MOB4: variants seen among roughly 807,000 people sequenced by gnomAD.
The protein encoded by MOB4 is MOB-like protein phocein.
A neutral mutation model predicts 32.2 loss-of-function variants in MOB4; 4 were observed. The observed-to-expected ratio is 0.12, with a 90% CI of 0.06 to 0.28. MOB4 has a LOEUF of 0.28. Ranked by LOEUF, MOB4 falls within the 10% of genes least tolerant of loss-of-function variation. The pLI is 1.00. For missense variants in MOB4, 158 were observed against 271.2 expected (o/e 0.58, Z 2.93); for synonymous variants, 88 against 88.1 (o/e 1.00, Z 0.01).
In MOB4 at chr2:197,551,359, C is replaced by A. The variant is rs1276748960; in HGVS notation, c.*713C>A. ...GAAACCTGCCCTGTCCACCCCTTCT[C>A]ATTTCCCTTAACCTTATCTTCAAAC... is the stretch of plus-strand genomic sequence containing the variant. On this transcript the variant is annotated 3_prime_UTR_variant, in exon 8 of 8. Coordinates refer to ENST00000323303, the MANE Select transcript of MOB4 (RefSeq NM_015387.5). 1 of 152,772 alleles carries A rather than the reference C, an allele frequency of 6.5e-6. No homozygotes were observed. Among genetic ancestry groups the A allele is most frequent in the African/African-American group, 2.4e-5 (1 of 41,446 alleles). The allele number at this position is 152,772 out of a possible 1,614,324, so 9.5% of individuals were successfully genotyped here.
At chr2:197,544,551 A>G (rs1434571019) in intron 5 of MOB4, among the ~76,000 whole-genome samples, 3 of 152,154 alleles carry the variant, frequency 2.0e-5, no homozygotes, top group Admixed American at 6.6e-5. Flanking sequence ...CAGGAGATCA[A>G]GACCATCCTG....
At chr2:197,540,031 A>G in intron 3 of MOB4, 80 bp from the exon 4 acceptor site, 1 of 1,468,414 alleles carries the variant, frequency 6.8e-7, no homozygotes, top group Non-Finnish European at 9.2e-7. Flanking sequence ...TACTGATGGG[A>G]TTCTCTTTTT....
chr2:197,518,492 C>T (rs1041702544), intron 1 of MOB4, among the ~76,000 whole-genome samples: 1 of 150,596 alleles, frequency 6.6e-6, no homozygotes, highest in Non-Finnish European at 1.5e-5. Flanking sequence ...GAACTCCTGA[C>T]CTCAGGTGAT....
intron 1 of MOB4, among the ~76,000 whole-genome samples, chr2:197,519,925 A>G (rs1465051745): frequency 6.6e-6 from 1 of 152,186 alleles, no homozygotes; most frequent in African/African-American, 2.4e-5. Context: ...CATTTCTAGA[A>G]GATTGTTTTA....
chr2:197,545,139 GA>G (rs1252560071), intron 5 of MOB4, among the ~76,000 whole-genome samples: 2 of 152,088 alleles, frequency 1.3e-5, no homozygotes, highest in Non-Finnish European at 2.9e-5. Flanking sequence ...CCAAAAAATG[GA>G]AACAACCAAA....
At chr2:197,533,840 G>A in intron 2 of MOB4, 1 of 616,914 alleles carries the variant, frequency 1.6e-6, no homozygotes. Context: ...TTAGAATCAA[G>A]TGATTCCTGG....
At position 197,526,284 on chromosome 2, in the gene MOB4, A is replaced by T. The variant is rs1367024733; in HGVS notation, c.123+2598A>T. Among the ~76,000 whole-genome samples the T allele has an allele frequency of 2.0e-5, 3 of 152,026 alleles. No homozygotes were observed. In the East Asian group the frequency reaches 5.8e-4, roughly 29 times the overall value. On this transcript the variant is annotated intron_variant, in intron 2 of 7. Coordinates refer to ENST00000323303, the MANE Select transcript of MOB4 (RefSeq NM_015387.5). ...TTTGTCAAATGCTTTTTCTGCACCTATTGAGATGATCATGTGTTTCTTTTT... is the reference window on the plus strand; with the variant it reads ...TTTGTCAAATGCTTTTTCTGCACCTTTTGAGATGATCATGTGTTTCTTTTT...
chr2:197,515,688 G>A (rs559788229), upstream of MOB4: 7 of 210,644 alleles, frequency 3.3e-5, no homozygotes, highest in South Asian at 4.8e-4. Context: ...CTTGCAGGTG[G>A]GTTTACTGAA....
Position 197,540,046 on chromosome 2 carries a change from C to G in MOB4, c.225-65C>G, listed in dbSNP as rs984016453. On this transcript the variant is annotated intron_variant, in intron 3 of 7. Coordinates refer to ENST00000323303, the MANE Select transcript of MOB4 (RefSeq NM_015387.5). ...TACTGATGGGATTCTCTTTTTGCAG[C>G]TAATATTCTAAAAATTGCTGTGAAG... 4.6e-6 allele frequency: 7 copies of G among 1,519,616 alleles called. No individual in the cohort carries two copies. The African/African-American group carries it at 9.7e-5, about 21-fold the overall frequency. The allele number at this position is 1,519,616 out of a possible 1,614,324, so 94.1% of individuals were successfully genotyped here. A position where few individuals can be genotyped will look rare whatever the true frequency, so the allele number is the denominator to read the frequency against.
At position 197,553,320 on chromosome 2, in the gene MOB4, AGGAGAATCGCTTGAACCC is replaced by A. The variant is rs1361525109; in HGVS notation, c.*2677_*2694del. ...GTGGTGCTACTCGTGAGGCTGAGGC[AGGAGAATCGCTTGAACCC>A]GGGAGGTGGAGGTTGCGGTGAGCTG... On this transcript the variant is annotated 3_prime_UTR_variant, in exon 8 of 8. Transcript: ENST00000323303. 1 of 152,388 alleles carries A rather than the reference AGGAGAATCGCTTGAACCC, an allele frequency of 6.6e-6. No homozygotes were observed. The highest frequency in any genetic ancestry group is 2.4e-5 in the African/African-American group (1 of 41,440). 9.4% of individuals were successfully genotyped at this position (152,388 alleles called of 1,614,324 possible).
In MOB4 at chr2:197,521,456, A is replaced by G. The variant is rs1030673728; in HGVS notation, c.61-2168A>G. 9.2e-5 allele frequency among the ~76,000 whole-genome samples: 14 copies of G among 152,320 alleles called. No individual in the cohort carries two copies. The South Asian group carries it at 2.1e-3, about 23-fold the overall frequency. On this transcript the variant is annotated intron_variant, in intron 1 of 7. Transcript: ENST00000323303. ...TAAAATTGCTAATGAAGTTTCGGGCACCATTGTCATTGATAACATCTTATC... is the reference window on the plus strand; with the variant it reads ...TAAAATTGCTAATGAAGTTTCGGGCGCCATTGTCATTGATAACATCTTATC...
intron 1 of MOB4, among the ~76,000 whole-genome samples, chr2:197,518,934 A>C (rs2086466171): frequency 1.3e-5 from 2 of 150,010 alleles, no homozygotes; most frequent in Non-Finnish European, 3.0e-5. Flanking sequence ...TTTTTTTTGT[A>C]TTTTTAGTAG....
At chr2:197,539,774 A>G (rs2086866425) in intron 3 of MOB4, among the ~76,000 whole-genome samples, 1 of 152,208 alleles carries the variant, frequency 6.6e-6, no homozygotes, top group Admixed American at 6.5e-5. Flanking sequence ...ATTACAATAG[A>G]TTCTTAGAAG....
intron 2 of MOB4, among the ~76,000 whole-genome samples, chr2:197,533,073 T>C (rs1322277934): frequency 6.6e-6 from 1 of 152,172 alleles, no homozygotes; most frequent in Non-Finnish European, 1.5e-5. Context: ...CACTCCAGCC[T>C]GGGCGACAGA....
chr2:197,519,049 C>T lies in MOB4; in HGVS notation c.60+2903C>T, dbSNP rs149597805. Among the ~76,000 whole-genome samples, 8 of 151,400 alleles carry T rather than the reference C, an allele frequency of 5.3e-5. No homozygotes were observed. The East Asian group carries it at 1.4e-3, about 26-fold the overall frequency. On this transcript the variant is annotated intron_variant, in intron 1 of 7. Transcript: ENST00000323303. ...CTGGGATTACAGGCATGAGCCACTGCGCCCAGCCAATTTTTTTTGTATTTT... is the reference window on the plus strand; with the variant it reads ...CTGGGATTACAGGCATGAGCCACTGTGCCCAGCCAATTTTTTTTGTATTTT...
chr2:197,531,384 A>G (rs2086701853), intron 2 of MOB4, among the ~76,000 whole-genome samples: 1 of 152,072 alleles, frequency 6.6e-6, no homozygotes, highest in Non-Finnish European at 1.5e-5. Context: ...TGTGGCATGA[A>G]GTACATTCCC....
At chr2:197,547,373 T>C (rs1268256826) in intron 5 of MOB4, among the ~76,000 whole-genome samples, 1 of 152,210 alleles carries the variant, frequency 6.6e-6, no homozygotes. Context: ...ATACAGTTAC[T>C]TGGGATATTT....
Position 197,551,103 on chromosome 2 carries a change from T to G in MOB4, c.*457T>G, listed in dbSNP as rs1480737765. On this transcript the variant is annotated 3_prime_UTR_variant, in exon 8 of 8. Transcript: ENST00000323303. ...GTAGTTTTGTCTTACCTGTTAACTT[T>G]CCCCAATTGAGATAAAAGTGTTTTA... The G allele has an allele frequency of 6.6e-6, 1 of 152,426 alleles. No homozygotes were observed. The highest frequency in any genetic ancestry group is 1.5e-5 in the Non-Finnish European group (1 of 68,082). 9.4% of individuals were successfully genotyped at this position (152,426 alleles called of 1,614,324 possible).
rs376068087 is a variant in MOB4 at position 197,516,109 on chromosome 2, C to T, written c.23C>T (p.Ala8Val). Residue 8 changes from alanine to valine, a missense_variant, in exon 1 of 8, where the codon GCA becomes GTA. Physicochemically the swap from Ala to Val is moderately conservative, Grantham distance 64. This residue lies in a region of MOB4 where 41 missense variants were observed against 26.4 expected (regional missense o/e 1.55). Coordinates refer to ENST00000323303, the MANE Select transcript of MOB4 (RefSeq NM_015387.5). MVMAEGT[A>V]VLRRNRPGTK... is the part of the protein sequence containing the mutation. Reference sequence around the variant, plus strand: ...ACTATGGTCATGGCGGAGGGGACGGCAGTGCTGAGGCGGAACAGGCCGGGC... The same window carrying T: ...ACTATGGTCATGGCGGAGGGGACGGTAGTGCTGAGGCGGAACAGGCCGGGC... The T allele has an allele frequency of 5.2e-5, 84 of 1,603,322 alleles. No homozygotes were observed. The highest frequency in any genetic ancestry group is 1.7e-4 in the Middle Eastern group (1 of 6,030).
Sources: gnomAD v4.1 joint callset for allele counts (sites outside exome capture counted in the v4.1 genomes callset) on GRCh38, gnomAD v4.1.1 for gene constraint, gnomAD v4.1.1 regional missense constraint, MANE v1.5 for transcripts, NCBI Gene and HGNC (gene_info 2026-07-23, HGNC 2026-07-21) for gene names.